Variants in THSD7A observed in about 807,000 individuals in gnomAD.
THSD7A encodes the protein thrombospondin type 1 domain containing 7A.
THSD7A carries 96 observed loss-of-function variants against 231.3 expected under a neutral mutation model. The ratio of observed to expected loss-of-function variants is 0.41; its 90% CI spans 0.35 to 0.49. The LOEUF is 0.49. Ranked by LOEUF, THSD7A falls within the 20% of genes least tolerant of loss-of-function variation. The pLI is 0.05. For missense variants in THSD7A, 2,290 were observed against 2,070.2 expected, an observed-to-expected ratio of 1.11 and a Z score of -2.06; for synonymous variants, 940 against 743.3, an observed-to-expected ratio of 1.26 and a Z score of -4.30.
intron 1 of THSD7A, among the ~76,000 whole-genome samples, chr7:11,768,570 CAA>C (rs1310331363): frequency 6.6e-6 from 1 of 152,022 alleles, no homozygotes; most frequent in Non-Finnish European, 1.5e-5. Flanking sequence ...TGGGTATGGT[CAA>C]AAGTGATCTC....
intron 1 of THSD7A, among the ~76,000 whole-genome samples, chr7:11,687,406 G>A (rs1292247268): frequency 6.6e-6 from 1 of 151,758 alleles, no homozygotes; most frequent in African/African-American, 2.4e-5. Context: ...ATCCTGATAG[G>A]TAAGAAAAAT....
chr7:11,457,400 T>G (rs991441680), intron 11 of THSD7A, among the ~76,000 whole-genome samples: 1 of 152,098 alleles, frequency 6.6e-6, no homozygotes, highest in Non-Finnish European at 1.5e-5. Context: ...TTGACTCTTT[T>G]ATTTTTATCT....
intron 1 of THSD7A, among the ~76,000 whole-genome samples, chr7:11,735,216 A>G (rs1210156067): frequency 6.6e-6 from 1 of 151,886 alleles, no homozygotes; most frequent in Admixed American, 6.6e-5. Context: ...ACTTAAGAAT[A>G]TATTAGTTGG....
intron 1 of THSD7A, among the ~76,000 whole-genome samples, chr7:11,755,716 G>A (rs1782651788): frequency 6.6e-6 from 1 of 152,090 alleles, no homozygotes. Context: ...ACAGTCACTG[G>A]CTCAGAGCAG....
At chr7:11,386,259 G>T (rs1034855338) in intron 23 of THSD7A, among the ~76,000 whole-genome samples, 6 of 150,528 alleles carry the variant, frequency 4.0e-5, no homozygotes, top group Non-Finnish European at 9.0e-5. Flanking sequence ...GGCCAATGGT[G>T]TTCCTGGTTC....
rs1232366061 is a variant in THSD7A, at chr7:11,372,093, T to C, written c.*3701A>G. The C allele has an allele frequency of 2.0e-5, 3 of 151,976 alleles. No individual in the cohort carries two copies. The highest frequency in any genetic ancestry group is 2.9e-5 in the Non-Finnish European group (2 of 68,040). The allele number at this position is 151,976 out of a possible 1,614,324, so 9.4% of individuals were successfully genotyped here. A position where few individuals can be genotyped will look rare whatever the true frequency, so the allele number is the denominator to read the frequency against. On this transcript the variant is annotated 3_prime_UTR_variant, in exon 28 of 28. Transcript: ENST00000423059. ...AATTTACCTTGAAATGCCCAGGAAC[T>C]TAACAGGGGTCTGATTAAGCTACAA...
intron 2 of THSD7A, among the ~76,000 whole-genome samples, chr7:11,622,577 C>T (rs973766468): frequency 2.0e-5 from 3 of 152,022 alleles, no homozygotes; most frequent in Non-Finnish European, 2.9e-5. Flanking sequence ...TTGTGTAAAA[C>T]GATTCTTCTA....
chr7:11,505,507 T>G (rs1467390670), intron 6 of THSD7A, among the ~76,000 whole-genome samples: 1 of 151,942 alleles, frequency 6.6e-6, no homozygotes, highest in African/African-American at 2.4e-5. Context: ...GGCAAAGTAA[T>G]TCTCATACTT....
chr7:11,534,141 T>C (rs1199283167), intron 6 of THSD7A, among the ~76,000 whole-genome samples: 1 of 152,190 alleles, frequency 6.6e-6, no homozygotes, highest in Non-Finnish European at 1.5e-5. Flanking sequence ...ATGAGAATTT[T>C]TGTGGTCTTG....
intron 4 of THSD7A, among the ~76,000 whole-genome samples, chr7:11,586,449 G>C (rs897921876): frequency 6.6e-6 from 1 of 152,038 alleles, no homozygotes; most frequent in African/African-American, 2.4e-5. Context: ...AGCGACACAT[G>C]GTTCCCTTAT....
At chr7:11,750,018 AT>A (rs561367892) in intron 1 of THSD7A, among the ~76,000 whole-genome samples, 721 of 140,570 alleles carry the variant, frequency 5.1e-3, no homozygotes, top group Admixed American at 5.9e-3. Context: ...AGTGGCCAGA[AT>A]TTTTTTTTTT....
At chr7:11,597,142 T>A (rs943102926) in intron 2 of THSD7A, among the ~76,000 whole-genome samples, 25 of 152,200 alleles carry the variant, frequency 1.6e-4, no homozygotes, top group Non-Finnish European at 3.2e-4. Context: ...GACATTTGCA[T>A]GCTAGAGGAT....
chr7:11,521,516 G>A (rs1788265757), intron 6 of THSD7A, among the ~76,000 whole-genome samples: 1 of 140,036 alleles, frequency 7.1e-6, no homozygotes, highest in Middle Eastern at 3.6e-3. Context: ...TATACTCTAA[G>A]TTTTAGGGTA....
intron 2 of THSD7A, among the ~76,000 whole-genome samples, chr7:11,628,254 G>C (rs1371005355): frequency 6.6e-6 from 1 of 152,092 alleles, no homozygotes; most frequent in Non-Finnish European, 1.5e-5. Flanking sequence ...AGGTTTCCAA[G>C]ACCTTTATAG....
chr7:11,373,529 GC>G lies in THSD7A; in HGVS notation c.*2264del, dbSNP rs1782142200. ...TATGGTTTTCTTTGTTTAAATCCTT[GC>G]TTTAAAGTAAAATTTTCATCTTCCT... On this transcript the variant is annotated 3_prime_UTR_variant, in exon 28 of 28. Transcript: ENST00000423059. 2.0e-5 allele frequency: 3 copies of G among 151,808 alleles called. No homozygotes were observed. Among genetic ancestry groups the G allele is most frequent in the Non-Finnish European group, 4.4e-5 (3 of 67,902 alleles). 9.4% of individuals were successfully genotyped at this position (151,808 alleles called of 1,614,324 possible). A position where few individuals can be genotyped will look rare whatever the true frequency, so the allele number is the denominator to read the frequency against.
rs1350720239 is a variant in THSD7A at position 11,769,150 on chromosome 7, TA to T, written c.190+62606del. On this transcript the variant is annotated intron_variant, in intron 1 of 27. Transcript: ENST00000423059. ...ATATATATATATATATATATATATA[TA>T]TATTTTTTTTTTTTTTTGGTATTTT... Among the ~76,000 whole-genome samples, 255 of 65,488 alleles carry T rather than the reference TA, an allele frequency of 3.9e-3. 4 individuals carry two copies. Among genetic ancestry groups the T allele is most frequent in the African/African-American group, 7.1e-3 (139 of 19,496 alleles). The allele number at this position is 65,488 out of a possible 152,430, so 43.0% of individuals were successfully genotyped here. A position where few individuals can be genotyped will look rare whatever the true frequency, so the allele number is the denominator to read the frequency against.
intron 1 of THSD7A, among the ~76,000 whole-genome samples, chr7:11,696,796 C>T (rs1445728298): frequency 1.3e-5 from 2 of 151,154 alleles, no homozygotes; most frequent in Non-Finnish European, 3.0e-5. Flanking sequence ...TTTTCAAACC[C>T]GTATACTTAT....
intron 1 of THSD7A, among the ~76,000 whole-genome samples, chr7:11,760,875 C>T (rs1782834531): frequency 6.6e-6 from 1 of 150,610 alleles, no homozygotes; most frequent in African/African-American, 2.4e-5. Context: ...CATTATCATA[C>T]CACAGGGCAT....
At chr7:11,391,882 G>C (rs1002046437) in intron 23 of THSD7A, among the ~76,000 whole-genome samples, 1 of 152,026 alleles carries the variant, frequency 6.6e-6, no homozygotes, top group Non-Finnish European at 1.5e-5. Flanking sequence ...CCCCAGGTGA[G>C]GCAATGCCCC....
Sources: gnomAD v4.1 joint callset for allele counts (sites outside exome capture counted in the v4.1 genomes callset) on GRCh38, gnomAD v4.1.1 for gene constraint, MANE v1.5 for transcripts, NCBI Gene and HGNC (gene_info 2026-07-23, HGNC 2026-07-21) for gene names.